Variants in NEK1 observed in about 807,000 individuals in gnomAD.
NEK1 encodes the protein NIMA related kinase 1, also known as serine/threonine-protein kinase Nek1.
Under a neutral mutation model 182.1 loss-of-function variants are expected in NEK1, and 137 were observed. The ratio of observed to expected loss-of-function variants is 0.75; its 90% CI spans 0.65 to 0.87. The LOEUF is 0.87. Ranked by LOEUF, NEK1 falls within the 40% of genes least tolerant of loss-of-function variation. The probability of loss-of-function intolerance (pLI) is 0.00; values close to 1 mark genes in which losing one functional copy is unlikely to be tolerated. For missense variants in NEK1, 1,391 were observed against 1,494.4 expected (o/e 0.93, Z 1.14); for synonymous variants, 513 against 492.2 (o/e 1.04, Z -0.56).
At chr4:169,492,343 G>A (rs1044186587) in intron 23 of NEK1, among the ~76,000 whole-genome samples, 1 of 152,194 alleles carries the variant, frequency 6.6e-6, no homozygotes, top group African/African-American at 2.4e-5. Context: ...ACCTGTTGGA[G>A]TACCCACGTG....
rs1442595761 is a variant in NEK1, at chr4:169,408,776, T to C, written c.3223-2029A>G. On this transcript the variant is annotated intron_variant, in intron 31 of 35. Transcript: ENST00000507142. ...CTTAGAATAATGGCCTCCAGCTCCA[T>C]CCAAGTTGCTGCAAAAGACATTATT... Among the ~76,000 whole-genome samples, 3 of 152,224 alleles carry C rather than the reference T, an allele frequency of 2.0e-5. No homozygotes were observed. In the East Asian group the frequency reaches 5.8e-4, roughly 29 times the overall value.
intron 23 of NEK1, among the ~76,000 whole-genome samples, chr4:169,499,782 AG>A (rs1752074656): frequency 6.6e-6 from 1 of 151,570 alleles, no homozygotes; most frequent in South Asian, 2.1e-4. Flanking sequence ...GAGGAGTACC[AG>A]GCTGTGTGAG....
At chr4:169,582,781 TATATA>T (rs969854620) in intron 10 of NEK1, among the ~76,000 whole-genome samples, 3 of 152,150 alleles carry the variant, frequency 2.0e-5, no homozygotes, top group African/African-American at 7.2e-5. Context: ...ATTTAAGGTA[TATATA>T]TATGAAGCTT....
intron 22 of NEK1, 102 bp downstream of exon 22, chr4:169,507,609 AAAGG>A: frequency 1.6e-6 from 1 of 616,704 alleles, no homozygotes; most frequent in Non-Finnish European, 2.6e-6. Flanking sequence ...AAGAAAAATT[AAAGG>A]AAGAGACTAA....
chr4:169,608,578 C>G (rs2150163838), intron 2 of NEK1, among the ~76,000 whole-genome samples: 1 of 152,136 alleles, frequency 6.6e-6, no homozygotes, highest in East Asian at 1.9e-4. Flanking sequence ...TATGACTAGA[C>G]CAATATTTTA....
rs778919560 is a variant in NEK1 at position 169,400,263 on chromosome 4, A to G, written c.3809T>C (p.Ile1270Thr). The G allele has an allele frequency of 6.3e-7, 1 of 1,576,120 alleles. No homozygotes were observed. Among genetic ancestry groups the G allele is most frequent in the Admixed American group, 1.8e-5 (1 of 55,240 alleles). ...GNEHQHLYAKILHLVMADGAY... is the reference protein window; with the variant it reads ...GNEHQHLYAKTLHLVMADGAY... ...TCCATCTGCCATGACTAAATGAAGA[A>G]TCTTGGCATAAAGATGCTGATGTTC... Residue 1270 changes from isoleucine to threonine, a missense_variant, in exon 35 of 36, where the codon ATT (isoleucine) becomes ACT (threonine). This residue lies in a region of NEK1 where 1,216 missense variants were observed against 1,277.6 expected (regional missense o/e 0.95). Coordinates refer to ENST00000507142, the MANE Select transcript of NEK1 (RefSeq NM_001199397.3).
intron 27 of NEK1, among the ~76,000 whole-genome samples, chr4:169,439,600 G>A (rs149978499): frequency 2.4e-4 from 36 of 152,088 alleles, no homozygotes; most frequent in African/African-American, 5.8e-4. Context: ...ATACCATATC[G>A]CATTATTATT....
At position 169,576,982 on chromosome 4, in the gene NEK1, C is replaced by G. The variant is rs1419138752; in HGVS notation, c.966G>C (p.Lys322Asn). 2 of 1,612,286 alleles carry G rather than the reference C, an allele frequency of 1.2e-6. No homozygotes were observed. Among genetic ancestry groups the G allele is most frequent in the Non-Finnish European group, 1.7e-6 (2 of 1,179,100 alleles). ...AAKYGIPLAYKKYGDKKLHEK... is the reference protein window; with the variant it reads ...AAKYGIPLAYNKYGDKKLHEK... ...CGTGTAATTTTTTATCTCCATATTT[C>G]TTATATGCTAAAGGTATTCCATATT... Residue 322 changes from lysine (K) to asparagine (N), a missense_variant, in exon 12 of 36, where the codon AAG becomes AAC. Physicochemically the swap from Lys to Asn is moderately conservative, Grantham distance 94. Transcript: ENST00000507142.
At chr4:169,501,421 C>T (rs1423240680) in intron 23 of NEK1, among the ~76,000 whole-genome samples, 2 of 152,202 alleles carry the variant, frequency 1.3e-5, no homozygotes, top group Non-Finnish European at 2.9e-5. Context: ...CTACAGAACA[C>T]TCCACCAAAC....
chr4:169,538,004 C>A, intron 18 of NEK1, 93 bp from the exon 19 acceptor site: 1 of 826,242 alleles, frequency 1.2e-6, no homozygotes, highest in South Asian at 2.0e-5. Context: ...TTTTTCATTT[C>A]AGAATATGAA....
rs560571219 is a variant in NEK1 at position 169,400,117 on chromosome 4, C to T, written c.3847+108G>A. ...TATTGCTTAAAAGTTATATAGTTCC[C>T]AAGTAGATTTCACAAAATGGATGTG... On this transcript the variant is annotated intron_variant, in intron 35 of 35. Transcript: ENST00000507142. 32 of 1,070,984 alleles carry T rather than the reference C, an allele frequency of 3.0e-5. No individual in the cohort carries two copies. In the African/African-American group the frequency reaches 4.1e-4, roughly 14 times the overall value. 66.3% of individuals were successfully genotyped at this position (1,070,984 alleles called of 1,614,324 possible). A position where few individuals can be genotyped will look rare whatever the true frequency, so the allele number is the denominator to read the frequency against.
chr4:169,451,570 G>GT (rs752808801), intron 27 of NEK1, among the ~76,000 whole-genome samples: 1 of 152,130 alleles, frequency 6.6e-6, no homozygotes, highest in Non-Finnish European at 1.5e-5. Flanking sequence ...CAGAAATAAA[G>GT]ATGTTCTTTG....
chr4:169,506,908 G>C, intron 23 of NEK1, 129 bp downstream of exon 23: 1 of 502,268 alleles, frequency 2.0e-6, no homozygotes, highest in East Asian at 3.2e-5. Context: ...GAGAAAGGGT[G>C]AGAGAGAGAA....
chr4:169,552,079 TGGA>T (rs1253467734), intron 18 of NEK1, among the ~76,000 whole-genome samples: 6 of 152,134 alleles, frequency 3.9e-5, no homozygotes, highest in Non-Finnish European at 7.4e-5. Context: ...AGTTTAAATT[TGGA>T]GTAGTGAAAG....
At chr4:169,543,227 C>T (rs1211848638) in intron 18 of NEK1, among the ~76,000 whole-genome samples, 2 of 152,144 alleles carry the variant, frequency 1.3e-5, no homozygotes, top group Non-Finnish European at 2.9e-5. Context: ...TTTCCCAACA[C>T]CATTTATTAA....
chr4:169,493,614 T>TA (rs1459999903), intron 23 of NEK1, among the ~76,000 whole-genome samples: 4 of 152,110 alleles, frequency 2.6e-5, no homozygotes, highest in Non-Finnish European at 5.9e-5. Context: ...CTTTTGGAAT[T>TA]AAAAAACTCA....
At chr4:169,471,175 T>C (rs553769682) in intron 26 of NEK1, among the ~76,000 whole-genome samples, 1 of 152,214 alleles carries the variant, frequency 6.6e-6, no homozygotes, top group South Asian at 2.1e-4. Context: ...TGGCAAGGAG[T>C]TGTGATACTT....
At chr4:169,527,020 T>C (rs1168684155) in intron 19 of NEK1, among the ~76,000 whole-genome samples, 1 of 152,078 alleles carries the variant, frequency 6.6e-6, no homozygotes, top group Non-Finnish European at 1.5e-5. Flanking sequence ...GATGACTTAA[T>C]CATACTGCTG....
At chr4:169,540,328 A>T (rs1248697543) in intron 18 of NEK1, among the ~76,000 whole-genome samples, 1 of 152,170 alleles carries the variant, frequency 6.6e-6, no homozygotes, top group African/African-American at 2.4e-5. Context: ...ATATTAATAG[A>T]ATAAAAGACA....
Sources: allele counts gnomAD v4.1 joint callset (sites outside exome capture counted in the v4.1 genomes callset), GRCh38; gene constraint gnomAD v4.1.1; regional missense constraint gnomAD v4.1.1; transcripts MANE v1.5; gene names NCBI Gene and HGNC (gene_info 2026-07-23, HGNC 2026-07-21).